The following WDFY4 variants were observed in gnomAD, a reference collection of about 807,000 sequenced individuals.
WDFY4 encodes the protein WD repeat- and FYVE domain-containing protein 4.
WDFY4 carries 169 observed loss-of-function variants against 351.9 expected under a neutral mutation model. The observed-to-expected ratio is 0.48, with a 90% confidence interval of 0.42 to 0.55. The LOEUF (loss-of-function observed/expected upper bound fraction) is 0.55. Among genes scored for constraint, WDFY4 ranks in the 20% least tolerant of loss-of-function variants. The pLI is 0.00. For synonymous variants in WDFY4, 1,622 were observed against 1,574.6 expected (o/e 1.03, Z -0.71); for missense variants, 3,803 against 3,935.6 (o/e 0.97, Z 0.90).
At chr10:48,905,596 G>A (rs1019730002) in intron 47 of WDFY4, among the ~76,000 whole-genome samples, 1 of 152,202 alleles carries the variant, frequency 6.6e-6, no homozygotes, top group Non-Finnish European at 1.5e-5. Context: ...CCAGGTTGGA[G>A]ACCCTTGGAG....
intron 1 of WDFY4, among the ~76,000 whole-genome samples, chr10:48,686,235 C>A (rs2063042903): frequency 6.8e-6 from 1 of 146,628 alleles, no homozygotes; most frequent in Admixed American, 7.0e-5. Context: ...AATCTCAGCA[C>A]TTTGGGAGGC....
intron 40 of WDFY4, among the ~76,000 whole-genome samples, chr10:48,869,640 C>G (rs1435439795): frequency 6.6e-6 from 1 of 151,794 alleles, no homozygotes; most frequent in Non-Finnish European, 1.5e-5. Flanking sequence ...TATCTTCATT[C>G]TCTTCTCTGT....
intron 11 of WDFY4, among the ~76,000 whole-genome samples, chr10:48,736,556 C>A (rs986140972): frequency 6.6e-6 from 1 of 152,220 alleles, no homozygotes; most frequent in South Asian, 2.1e-4. Context: ...CAGCAATGGC[C>A]AAGTAGCTGC....
intron 11 of WDFY4, among the ~76,000 whole-genome samples, chr10:48,742,432 G>A (rs998762810): frequency 3.9e-5 from 6 of 152,236 alleles, no homozygotes; most frequent in Non-Finnish European, 7.3e-5. Context: ...GGAATAACAA[G>A]CTGCTTCTAT....
chr10:48,898,491 C>G (rs534035130), intron 45 of WDFY4, among the ~76,000 whole-genome samples: 1 of 152,160 alleles, frequency 6.6e-6, no homozygotes, highest in African/African-American at 2.4e-5. Flanking sequence ...AGTGCTTGGC[C>G]TAGATGAACT....
chr10:48,914,143 C>T (rs778615169), intron 47 of WDFY4: 2 of 1,612,748 alleles, frequency 1.2e-6, no homozygotes, highest in African/African-American at 1.3e-5. Flanking sequence ...GGGCCTTTCT[C>T]ACCCTTAACC....
At chr10:48,828,305 A>C (rs1236051605) in intron 36 of WDFY4, among the ~76,000 whole-genome samples, 1 of 152,168 alleles carries the variant, frequency 6.6e-6, no homozygotes, top group African/African-American at 2.4e-5. Flanking sequence ...AAAATACCCA[A>C]AATTTCAAGA....
intron 2 of WDFY4, among the ~76,000 whole-genome samples, chr10:48,714,682 G>A (rs2063853290): frequency 6.6e-6 from 1 of 152,216 alleles, no homozygotes; most frequent in African/African-American, 2.4e-5. Context: ...GAAATCTAGA[G>A]CTACAGAAGT....
rs1388350572 is a variant in WDFY4, at chr10:48,943,449, G to A, written c.7749G>A (p.Glu2583=). ...FPWVLADYTS[E]TLNLANPKIF... ...GGGTCCTCGCAGACTACACCTCAGA[G>A]GTAAGTTCCTCACGTGGAAACCACA... Residue 2583 remains glutamate (E), a splice_region_variant and synonymous_variant, in exon 49 of 62, where the codon GAG becomes GAA. Coordinates refer to ENST00000325239, the MANE Select transcript of WDFY4 (RefSeq NM_001394531.1). 5.2e-6 allele frequency: 8 copies of A among 1,551,262 alleles called. No homozygotes were observed. Among genetic ancestry groups the A allele is most frequent in the Middle Eastern group, 1.7e-4 (1 of 6,002 alleles).
chr10:48,888,186 C>G, intron 43 of WDFY4, among the ~76,000 whole-genome samples: 1 of 152,220 alleles, frequency 6.6e-6, no homozygotes, highest in East Asian at 1.9e-4. Flanking sequence ...CCTGGGAATG[C>G]CACACAGTTA....
At chr10:48,879,413 C>T (rs2663030) in intron 43 of WDFY4, among the ~76,000 whole-genome samples, 55,339 of 152,122 alleles carry the variant, frequency 0.36, 10,411 homozygotes, top group East Asian at 0.71. Flanking sequence ...TCCAGCTACA[C>T]CTGCCTGCTT....
intron 46 of WDFY4, among the ~76,000 whole-genome samples, chr10:48,901,289 A>G (rs1837339693): frequency 6.6e-6 from 1 of 152,280 alleles, no homozygotes. Context: ...AAGCAGACAT[A>G]CAACCCATTA....
rs1462624149 is a variant in WDFY4, at chr10:48,877,351, A to T, written c.7167+152A>T. On this transcript the variant is annotated intron_variant, in intron 43 of 61. Transcript: ENST00000325239. ...AACACAATAATCAGTGAAAAAAGGG[A>T]TAGATTCCTAAATTTGTTGGCCCAG... is the stretch of plus-strand genomic sequence containing the variant. 3.3e-5 allele frequency among the ~76,000 whole-genome samples: 5 copies of T among 152,182 alleles called. No homozygotes were observed. The South Asian group carries it at 1.0e-3, about 32-fold the overall frequency.
intron 23 of WDFY4, among the ~76,000 whole-genome samples, chr10:48,794,559 A>T (rs2132773253): frequency 6.6e-6 from 1 of 152,276 alleles, no homozygotes; most frequent in South Asian, 2.1e-4. Flanking sequence ...CACCAAAAAG[A>T]AGCTGTACAG....
intron 60 of WDFY4, 95 bp downstream of exon 60, chr10:48,978,488 C>CT: frequency 8.3e-7 from 1 of 1,207,378 alleles, no homozygotes; most frequent in Non-Finnish European, 1.1e-6. Context: ...CAGCTCCTCC[C>CT]AGGTCTGCCC....
In WDFY4 at chr10:48,789,996, CTGGGAAGCTTTGCCGCTATT is replaced by C; in HGVS notation, c.4066+20_4066+39del. On this transcript the variant is annotated intron_variant, in intron 22 of 61. Transcript: ENST00000325239. ...CTGTGGGTCAATTAGGTATGTTCAACTGGGAAGCTTTGCCGCTATTTGGGAAGCAGGGTTTGTGCTGTCAT... is the reference window on the plus strand; with the variant it reads ...CTGTGGGTCAATTAGGTATGTTCAACTGGGAAGCAGGGTTTGTGCTGTCAT... 6.4e-7 allele frequency: 1 copy of C among 1,551,554 alleles called. No individual in the cohort carries two copies. The highest frequency in any genetic ancestry group is 1.2e-5 in the South Asian group (1 of 84,056).
intron 47 of WDFY4, chr10:48,914,167 A>AAGGG (rs1448267921): frequency 6.2e-7 from 1 of 1,608,086 alleles, no homozygotes; most frequent in Admixed American, 1.7e-5. Flanking sequence ...TTCTTTTAGT[A>AAGGG]AGGGAGTGTT....
intron 11 of WDFY4, among the ~76,000 whole-genome samples, chr10:48,739,441 T>C (rs180816778): frequency 3.4e-4 from 52 of 152,356 alleles, no homozygotes; most frequent in African/African-American, 1.2e-3. Flanking sequence ...TGCATTATCA[T>C]GCAAAGTTGA....
chr10:48,710,045 T>C, intron 2 of WDFY4, 79 bp downstream of exon 2: 1 of 1,308,054 alleles, frequency 7.6e-7, no homozygotes, highest in South Asian at 1.5e-5. Flanking sequence ...GTGAAGTTGA[T>C]GGTTTTAATG....
Sources: allele counts gnomAD v4.1 joint callset (sites outside exome capture counted in the v4.1 genomes callset), GRCh38; gene constraint gnomAD v4.1.1; transcripts MANE v1.5; gene names NCBI Gene and HGNC (gene_info 2026-07-23, HGNC 2026-07-21).